RAB3GAP1: variants seen among roughly 807,000 people sequenced by gnomAD.
The protein encoded by RAB3GAP1 is rab3 GTPase-activating protein catalytic subunit.
A neutral mutation model predicts 130.7 loss-of-function variants in RAB3GAP1; 86 were observed. That is an observed-to-expected ratio of 0.66 (90% CI 0.55 to 0.79). The LOEUF (loss-of-function observed/expected upper bound fraction) is 0.79. Among genes scored for constraint, RAB3GAP1 ranks in the 30% least tolerant of loss-of-function variants. RAB3GAP1 has a pLI of 0.00. For synonymous variants in RAB3GAP1, 367 were observed against 401.7 expected (o/e 0.91, Z 1.03); for missense variants, 1,029 against 1,169.4 (o/e 0.88, Z 1.75).
downstream of RAB3GAP1, among the ~76,000 whole-genome samples, chr2:135,171,100 C>T (rs981390953): frequency 1.3e-5 from 2 of 151,680 alleles, no homozygotes; most frequent in African/African-American, 4.8e-5. Flanking sequence ...AAGCGTATTA[C>T]AAGCAGAGGA....
At chr2:135,126,534 T>C (rs2104936618) in intron 10 of RAB3GAP1, 49 bp from the exon 11 acceptor site, 4 of 1,481,166 alleles carry the variant, frequency 2.7e-6, no homozygotes, top group South Asian at 1.1e-5. Context: ...TTCATGAATC[T>C]TGCAGATTGT....
In RAB3GAP1 at chr2:135,112,378, T is replaced by C. The variant is rs150968156; in HGVS notation, c.363-773T>C. On this transcript the variant is annotated intron_variant, in intron 5 of 23. Transcript: ENST00000264158. Reference sequence around the variant, plus strand: ...AGGCAAATACACTGAAACCCATGTGTAAACCTGCCTGGTTTTCAAGCTGAA... The same window carrying C: ...AGGCAAATACACTGAAACCCATGTGCAAACCTGCCTGGTTTTCAAGCTGAA... Among the ~76,000 whole-genome samples the C allele has an allele frequency of 1.4e-3, 220 of 152,314 alleles. 1 individual carries two copies. Among genetic ancestry groups the C allele is most frequent in the African/African-American group, 5.1e-3 (213 of 41,562 alleles).
chr2:135,060,839 G>T (rs1689148392), intron 3 of RAB3GAP1, among the ~76,000 whole-genome samples: 1 of 152,010 alleles, frequency 6.6e-6, no homozygotes, highest in African/African-American at 2.4e-5. Context: ...CCAAGAAGCT[G>T]AGACGACAGG....
chr2:135,064,221 A>C (rs994620476), intron 3 of RAB3GAP1, among the ~76,000 whole-genome samples: 7 of 151,920 alleles, frequency 4.6e-5, no homozygotes, highest in South Asian at 2.1e-4. Context: ...ATATTGGATA[A>C]ATTTTTGTTT....
At chr2:135,072,342 G>T (rs180974538) in intron 3 of RAB3GAP1, among the ~76,000 whole-genome samples, 2 of 152,284 alleles carry the variant, frequency 1.3e-5, no homozygotes, top group East Asian at 3.9e-4. Flanking sequence ...CTTATATCCC[G>T]TTTGCAGTAT....
rs1558788672 is a variant in RAB3GAP1, at chr2:135,126,189, A to T, written c.839A>T (p.His280Leu). Reference protein sequence around the residue: ...GACEDPISELHLATTWPHLTE... With the variant: ...GACEDPISELLLATTWPHLTE... ...TATTTTATGTTTTTTAGTGAACTCCATTTAGCTACTACATGGCCTCATCTG... is the reference window on the plus strand; with the variant it reads ...TATTTTATGTTTTTTAGTGAACTCCTTTTAGCTACTACATGGCCTCATCTG... Residue 280 changes from histidine to leucine, a missense_variant, in exon 10 of 24, where the codon CAT becomes CTT. Around this residue, in one of 3 missense-constraint regions of RAB3GAP1, gnomAD observed 510 missense variants for 532.1 expected, o/e 0.96. Coordinates refer to ENST00000264158, the MANE Select transcript of RAB3GAP1 (RefSeq NM_012233.3). The T allele has an allele frequency of 2.5e-6, 4 of 1,611,974 alleles. No individual in the cohort carries two copies. The highest frequency in any genetic ancestry group is 3.4e-6 in the Non-Finnish European group (4 of 1,178,306).
chr2:135,150,399 G>A lies in RAB3GAP1; in HGVS notation c.1954G>A (p.Glu652Lys). The stretch of plus-strand genomic sequence containing the variant: ...AGCACCTATGACAGAAGATCTGCTA[G>A]AAGAGCAGTCTGAAGTTTTAGCTAA... ...EPAPMTEDLL[E>K]EQSEVLAKLG... is the part of the protein sequence containing the mutation. The change falls in exon 18 of 24, where the codon GAA becomes AAA. Residue 652 changes from glutamate to lysine, a missense_variant. Around this residue, in one of 3 missense-constraint regions of RAB3GAP1, gnomAD observed 373 missense variants for 493.6 expected, o/e 0.76. Coordinates refer to ENST00000264158, the MANE Select transcript of RAB3GAP1 (RefSeq NM_012233.3). 1 of 1,614,214 alleles carries A rather than the reference G, an allele frequency of 6.2e-7. No individual in the cohort carries two copies. The highest frequency in any genetic ancestry group is 8.5e-7 in the Non-Finnish European group (1 of 1,180,034).
At chr2:135,107,615 T>C (rs1055021866) in intron 5 of RAB3GAP1, among the ~76,000 whole-genome samples, 1 of 152,228 alleles carries the variant, frequency 6.6e-6, no homozygotes, top group Non-Finnish European at 1.5e-5. Context: ...AACTTTTTTA[T>C]ACCATTTTTT....
Position 135,150,381 on chromosome 2 carries a change from A to G in RAB3GAP1, c.1936A>G (p.Met646Val), listed in dbSNP as rs778336794. 1.9e-6 allele frequency: 3 copies of G among 1,614,204 alleles called. No individual in the cohort carries two copies. Among genetic ancestry groups the G allele is most frequent in the South Asian group, 1.1e-5 (1 of 91,086 alleles). ...YIPVTQEPAP[M>V]TEDLLEEQSE... The stretch of plus-strand genomic sequence containing the variant: ...TTGTGCTTCACAGGAACCAGCACCT[A>G]TGACAGAAGATCTGCTAGAAGAGCA... Residue 646 changes from methionine (M) to valine (V), a missense_variant, in exon 18 of 24, where the codon ATG becomes GTG. Around this residue, in one of 3 missense-constraint regions of RAB3GAP1, gnomAD observed 373 missense variants for 493.6 expected, o/e 0.76. Transcript: ENST00000264158.
intron 3 of RAB3GAP1, among the ~76,000 whole-genome samples, chr2:135,081,354 A>ATATG (rs1451067674): frequency 2.2e-5 from 2 of 91,040 alleles, no homozygotes; most frequent in East Asian, 6.3e-4. Context: ...ATATATATAT[A>ATATG]TATATATACA....
chr2:135,123,626 C>G (rs1032490111), intron 8 of RAB3GAP1, among the ~76,000 whole-genome samples: 3 of 152,118 alleles, frequency 2.0e-5, no homozygotes, highest in Non-Finnish European at 2.9e-5. Context: ...GATTTACCCT[C>G]TAAGTTCTCT....
intron 13 of RAB3GAP1, among the ~76,000 whole-genome samples, chr2:135,131,917 G>A: frequency 6.6e-6 from 1 of 152,178 alleles, no homozygotes; most frequent in East Asian, 1.9e-4. Flanking sequence ...TTCAAGAAAA[G>A]TGTTGAAAAG....
At chr2:135,091,258 T>C in intron 4 of RAB3GAP1, 128 bp downstream of exon 4, 1 of 800,292 alleles carries the variant, frequency 1.2e-6, no homozygotes, top group Non-Finnish European at 2.0e-6. Context: ...CAAAGTTGTT[T>C]CACCACATCT....
rs182198295 is a variant in RAB3GAP1, at chr2:135,068,691, T to A, written c.150+10605T>A. The stretch of plus-strand genomic sequence containing the variant: ...TCATTTGAACCGGGGAGGCAGAGGT[T>A]GCAGTGAGCTGAGATCACGCCACTG... On this transcript the variant is annotated intron_variant, in intron 3 of 23. Transcript: ENST00000264158. 3.9e-3 allele frequency among the ~76,000 whole-genome samples: 588 copies of A among 152,274 alleles called. 8 individuals are homozygous for A. Among genetic ancestry groups the A allele is most frequent in the African/African-American group, 0.013 (557 of 41,554 alleles).
chr2:135,109,574 T>A (rs13425278), intron 5 of RAB3GAP1, among the ~76,000 whole-genome samples: 4,146 of 144,934 alleles, frequency 0.029, 166 homozygotes, highest in African/African-American at 0.096. Context: ...CCAAAAAAAA[T>A]TTTTTTTTTT....
chr2:135,058,235 G>T (rs1574072926), intron 3 of RAB3GAP1, 149 bp downstream of exon 3: 1 of 701,144 alleles, frequency 1.4e-6, no homozygotes. Context: ...GAAGAATTTG[G>T]ATTTAAATCT....
rs148504855 is a variant in RAB3GAP1, at chr2:135,082,386, A to C, written c.151-8612A>C. On this transcript the variant is annotated intron_variant, in intron 3 of 23. Coordinates refer to ENST00000264158, the MANE Select transcript of RAB3GAP1 (RefSeq NM_012233.3). ...ACAACAGCTAACCTGCTTTCTCTCT[A>C]TATATATTTGCCTGTTCTGGACATA... Among the ~76,000 whole-genome samples, 623 of 151,756 alleles carry C rather than the reference A, an allele frequency of 4.1e-3. 13 individuals are homozygous for C. The highest frequency in any genetic ancestry group is 0.03 in the Admixed American group (451 of 15,250).
chr2:135,104,469 A>G (rs1382250064), intron 5 of RAB3GAP1, among the ~76,000 whole-genome samples: 2 of 152,156 alleles, frequency 1.3e-5, no homozygotes. Flanking sequence ...ATTTATTACA[A>G]GTATGTTGAG....
Position 135,135,714 on chromosome 2 carries a change from G to T in RAB3GAP1, c.1705G>T (p.Gly569Ter). ...DNLKETDKEK[G>*]EVGKSWDSWS... The stretch of plus-strand genomic sequence containing the variant: ...TCTAAAAGAAACAGATAAGGAAAAG[G>T]GAGAGGTAGGAAAATCTTGGGATTC... The change falls in exon 17 of 24, where the codon GGA becomes TGA. Residue 569 changes from glycine (G) to a stop codon, truncating the protein, a stop_gained. Coordinates refer to ENST00000264158, the MANE Select transcript of RAB3GAP1 (RefSeq NM_012233.3). LOFTEE classifies it high-confidence loss of function. The T allele has an allele frequency of 1.2e-6, 2 of 1,614,070 alleles. No individual in the cohort carries two copies. Among genetic ancestry groups the T allele is most frequent in the Non-Finnish European group, 1.7e-6 (2 of 1,179,976 alleles).
Sources: gnomAD v4.1 joint callset for allele counts (sites outside exome capture counted in the v4.1 genomes callset) on GRCh38, gnomAD v4.1.1 for gene constraint, gnomAD v4.1.1 regional missense constraint, MANE v1.5 for transcripts, NCBI Gene and HGNC (gene_info 2026-07-23, HGNC 2026-07-21) for gene names.